Variants in JAZF1 observed in about 807,000 individuals in gnomAD.
JAZF1 encodes the protein JAZF zinc finger 1.
Under a neutral mutation model 26.4 loss-of-function variants are expected in JAZF1, and 8 were observed. The observed-to-expected ratio is 0.30, with a 90% CI of 0.18 to 0.55. The LOEUF is 0.55. Ranked by LOEUF, JAZF1 falls within the 20% of genes least tolerant of loss-of-function variation. The probability of loss-of-function intolerance (pLI) is 0.94; values close to 1 mark genes in which losing one functional copy is unlikely to be tolerated. For missense variants in JAZF1, 199 were observed against 322.0 expected (o/e 0.62, Z 2.92); for synonymous variants, 126 against 122.3 (o/e 1.03, Z -0.20).
intron 1 of JAZF1, among the ~76,000 whole-genome samples, chr7:28,110,512 A>AG (rs1482642497): frequency 3.9e-4 from 28 of 70,930 alleles, no homozygotes; most frequent in African/African-American, 2.0e-3. Flanking sequence ...GGAAAAGGAA[A>AG]GGAAAAGGAA....
intron 1 of JAZF1, among the ~76,000 whole-genome samples, chr7:28,038,242 A>T (rs1356267634): frequency 6.6e-6 from 1 of 152,176 alleles, no homozygotes; most frequent in East Asian, 1.9e-4. Context: ...TTCAGGTGAA[A>T]GAAAACATAC....
chr7:27,945,472 T>A (rs772040322), intron 2 of JAZF1, among the ~76,000 whole-genome samples: 20 of 152,176 alleles, frequency 1.3e-4, no homozygotes, highest in South Asian at 2.1e-4. Flanking sequence ...TAAAATCAGA[T>A]CTTTTCAGTT....
intron 1 of JAZF1, among the ~76,000 whole-genome samples, chr7:28,054,714 T>C (rs1399896679): frequency 6.6e-6 from 1 of 152,056 alleles, no homozygotes; most frequent in Non-Finnish European, 1.5e-5. Flanking sequence ...GTATCCCACT[T>C]AAAAAGTTAA....
intron 1 of JAZF1, among the ~76,000 whole-genome samples, chr7:28,015,568 A>G (rs565527618): frequency 7.9e-5 from 12 of 152,326 alleles, no homozygotes; most frequent in Non-Finnish European, 1.8e-4. Flanking sequence ...TAAATACACA[A>G]TGGGTGCCTA....
chr7:28,063,276 T>C (rs760450451), intron 1 of JAZF1, among the ~76,000 whole-genome samples: 6 of 152,258 alleles, frequency 3.9e-5, no homozygotes, highest in Non-Finnish European at 8.8e-5. Flanking sequence ...AGAATAACAT[T>C]TGAAACTAAG....
intron 1 of JAZF1, among the ~76,000 whole-genome samples, chr7:28,173,205 T>C (rs508347): frequency 0.69 from 105,425 of 152,036 alleles, 36,911 homozygotes; most frequent in Admixed American, 0.79. Context: ...TCTGCCTCTG[T>C]GGTCCCTATT....
At chr7:27,952,077 C>T (rs940153472) in intron 2 of JAZF1, among the ~76,000 whole-genome samples, 1 of 152,180 alleles carries the variant, frequency 6.6e-6, no homozygotes, top group African/African-American at 2.4e-5. Flanking sequence ...GCAGCTGTGT[C>T]ATCAGCAGTT....
intron 1 of JAZF1, among the ~76,000 whole-genome samples, chr7:28,022,903 C>T (rs1004983394): frequency 3.3e-5 from 5 of 152,184 alleles, no homozygotes; most frequent in East Asian, 1.9e-4. Flanking sequence ...ATTACAGGCA[C>T]GTGCCACCAT....
intron 1 of JAZF1, among the ~76,000 whole-genome samples, chr7:28,035,001 C>T (rs945144397): frequency 1.3e-5 from 2 of 151,688 alleles, no homozygotes; most frequent in African/African-American, 4.8e-5. Flanking sequence ...TTACCGTCCT[C>T]AAATTGCAAT....
At position 27,922,370 on chromosome 7, in the gene JAZF1, G is replaced by C. The variant is rs1459848720; in HGVS notation, c.189-26954C>G. ...AGCAATTCTCCTGCCTCAGCCTCCT[G>C]AGTAGCTGGACTGGACTACAGGCTC... On this transcript the variant is annotated intron_variant, in intron 2 of 4. Coordinates refer to ENST00000283928, the MANE Select transcript of JAZF1 (RefSeq NM_175061.4). Among the ~76,000 whole-genome samples the C allele has an allele frequency of 2.0e-5, 3 of 152,048 alleles. No homozygotes were observed. The South Asian group carries it at 6.2e-4, about 32-fold the overall frequency.
At chr7:27,952,584 C>G (rs1045474115) in intron 2 of JAZF1, among the ~76,000 whole-genome samples, 118 of 152,344 alleles carry the variant, frequency 7.7e-4, no homozygotes, top group African/African-American at 2.8e-3. Context: ...TCCCTTTAGG[C>G]CTTCCCAAAG....
At position 28,120,501 on chromosome 7, in the gene JAZF1, C is replaced by T. The variant is rs79946173; in HGVS notation, c.115+59962G>A. On this transcript the variant is annotated intron_variant, in intron 1 of 4. Transcript: ENST00000283928. ...TCTGAACCACTAGCCACACACAGTT[C>T]TTTTTTTTTTTTTTTTTTTTTTTTT... 8.8e-3 allele frequency among the ~76,000 whole-genome samples: 519 copies of T among 58,926 alleles called. 1 individual carries two copies. The highest frequency in any genetic ancestry group is 0.026 in the Middle Eastern group (1 of 38). 38.7% of individuals were successfully genotyped at this position (58,926 alleles called of 152,430 possible). A position where few individuals can be genotyped will look rare whatever the true frequency, so the allele number is the denominator to read the frequency against.
chr7:27,857,097 G>C (rs150531632), intron 3 of JAZF1, among the ~76,000 whole-genome samples: 4 of 152,222 alleles, frequency 2.6e-5, no homozygotes, highest in Admixed American at 2.0e-4. Context: ...GGGCGCCGTG[G>C]AGCAGGGGGC....
chr7:28,112,657 A>G (rs922402412), intron 1 of JAZF1, among the ~76,000 whole-genome samples: 5 of 152,218 alleles, frequency 3.3e-5, no homozygotes, highest in African/African-American at 1.2e-4. Context: ...TTATCTGGTC[A>G]TAAGGCATAC....
intron 1 of JAZF1, among the ~76,000 whole-genome samples, chr7:28,061,716 C>G (rs1245274130): frequency 6.6e-6 from 1 of 152,096 alleles, no homozygotes; most frequent in African/African-American, 2.4e-5. Flanking sequence ...CCCAGAATGG[C>G]CGTATTTACA....
At chr7:27,947,011 G>A (rs534192976) in intron 2 of JAZF1, among the ~76,000 whole-genome samples, 1 of 152,190 alleles carries the variant, frequency 6.6e-6, no homozygotes, top group Admixed American at 6.5e-5. Context: ...ATCAGAAATG[G>A]TCCTGAAGTT....
chr7:27,948,622 A>G (rs1259279210), intron 2 of JAZF1, among the ~76,000 whole-genome samples: 1 of 152,192 alleles, frequency 6.6e-6, no homozygotes, highest in African/African-American at 2.4e-5. Flanking sequence ...GGGAGCACTT[A>G]CAGCCAAGAT....
intron 1 of JAZF1, among the ~76,000 whole-genome samples, chr7:28,027,115 GC>G (rs1248103657): frequency 1.3e-5 from 2 of 152,186 alleles, no homozygotes; most frequent in Non-Finnish European, 1.5e-5. Flanking sequence ...GAGGGGTGAG[GC>G]CCCTTCTCCC....
intron 2 of JAZF1, among the ~76,000 whole-genome samples, chr7:27,976,032 C>T (rs1410911546): frequency 6.6e-6 from 1 of 152,148 alleles, no homozygotes; most frequent in Non-Finnish European, 1.5e-5. Context: ...TCCAGCTTCC[C>T]AGTGTCCCTC....
Sources: allele counts gnomAD v4.1 joint callset (sites outside exome capture counted in the v4.1 genomes callset), GRCh38; gene constraint gnomAD v4.1.1; transcripts MANE v1.5; gene names NCBI Gene and HGNC (gene_info 2026-07-23, HGNC 2026-07-21).